The following PTGER4 variants were observed in gnomAD, a reference collection of about 807,000 sequenced individuals.
PTGER4 encodes the protein prostaglandin E receptor 4.
Under a neutral mutation model 33.2 loss-of-function variants are expected in PTGER4, and 11 were observed. That is an observed-to-expected ratio of 0.33 (90% CI 0.21 to 0.55). PTGER4 has a LOEUF of 0.55. Ranked by LOEUF, PTGER4 falls within the 20% of genes least tolerant of loss-of-function variation. PTGER4 has a pLI of 0.92. For synonymous variants in PTGER4, 275 were observed against 281.5 expected, an observed-to-expected ratio of 0.98 and a Z score of 0.23; for missense variants, 481 against 650.2, an observed-to-expected ratio of 0.74 and a Z score of 2.83.
chr5:40,693,808 CT>C, downstream of PTGER4: 1 of 738,730 alleles, frequency 1.4e-6, no homozygotes, highest in Non-Finnish European at 1.7e-6. Context: ...CATCTATATC[CT>C]TTTATATATT....
the PTGER4 span, among the ~76,000 whole-genome samples, chr5:40,704,973 T>C: frequency 5.9e-5 from 9 of 152,034 alleles, no homozygotes; most frequent in Non-Finnish European, 1.2e-4. Context: ...AGAAAAAAAT[T>C]TTTTTTAATT....
intron 2 of PTGER4, among the ~76,000 whole-genome samples, chr5:40,684,129 C>T (rs1323255527): frequency 8.9e-6 from 1 of 111,940 alleles, no homozygotes; most frequent in Non-Finnish European, 1.7e-5. Context: ...CACCCACCCC[C>T]CCCCCCACAA....
At chr5:40,698,888 T>G in the PTGER4 span, among the ~76,000 whole-genome samples, 2 of 152,200 alleles carry the variant, frequency 1.3e-5, no homozygotes, top group Non-Finnish European at 2.9e-5. Context: ...AGTAACAGAA[T>G]TATCACGTTT....
At chr5:40,716,523 T>C in the PTGER4 span, 1 of 1,520,590 alleles carries the variant, frequency 6.6e-7, no homozygotes, top group Non-Finnish European at 8.9e-7. Flanking sequence ...CAGAGTTTTT[T>C]GTTTTGGTTT....
chr5:40,705,576 T>C, the PTGER4 span, among the ~76,000 whole-genome samples: 2 of 152,198 alleles, frequency 1.3e-5, no homozygotes, highest in African/African-American at 4.8e-5. Flanking sequence ...AAACTGTGCA[T>C]CTGACGAAGG....
chr5:40,700,193 G>C, the PTGER4 span, among the ~76,000 whole-genome samples: 2 of 152,200 alleles, frequency 1.3e-5, no homozygotes, highest in Non-Finnish European at 2.9e-5. Context: ...CCTTATAATT[G>C]CATCAAAAAT....
At chr5:40,700,411 T>G in the PTGER4 span, among the ~76,000 whole-genome samples, 2,447 of 152,286 alleles carry the variant, frequency 0.016, 63 homozygotes, top group African/African-American at 0.056. Flanking sequence ...CTTGCCACCC[T>G]TGGACTAACG....
rs771439945 is a variant in PTGER4 at position 40,683,567 on chromosome 5, C to T, written c.867+1707C>T. ...GAATGGTTGTTATTTTCAGAACATC[C>T]ACTTAAAGGGACAGAGGAATTAGAG... On this transcript the variant is annotated intron_variant, in intron 2 of 2. Transcript: ENST00000302472. This position sits in a 1 kb window ranked among gnomAD's most constrained non-coding sequence, Gnocchi z 4.2. Among the ~76,000 whole-genome samples, 1 of 152,162 alleles carries T rather than the reference C, an allele frequency of 6.6e-6. No individual in the cohort carries two copies. Among genetic ancestry groups the T allele is most frequent in the African/African-American group, 2.4e-5 (1 of 41,426 alleles).
intron 2 of PTGER4, among the ~76,000 whole-genome samples, chr5:40,687,362 G>A (rs563118951): frequency 2.6e-5 from 4 of 152,248 alleles, no homozygotes; most frequent in South Asian, 4.1e-4. Context: ...CTCCTGACTC[G>A]GAGGTTCAGT....
the PTGER4 span, among the ~76,000 whole-genome samples, chr5:40,706,624 G>A: frequency 2.3e-4 from 35 of 151,656 alleles, no homozygotes; most frequent in African/African-American, 8.2e-4. Context: ...GCACAAAGCA[G>A]AAAATCTTTG....
chr5:40,699,036 TTGAA>T, the PTGER4 span, among the ~76,000 whole-genome samples: 16 of 152,176 alleles, frequency 1.1e-4, no homozygotes, highest in Admixed American at 8.5e-4. Context: ...TGCCGAAAAA[TTGAA>T]TGAATCTGAT....
At chr5:40,743,795 G>C in the PTGER4 span, among the ~76,000 whole-genome samples, 3 of 152,124 alleles carry the variant, frequency 2.0e-5, no homozygotes, top group Non-Finnish European at 4.4e-5. Context: ...TATCTTTGTA[G>C]TTATTTTCTA....
At chr5:40,697,301 A>T (rs73082486), downstream of PTGER4, among the ~76,000 whole-genome samples, 1 of 151,420 alleles carries the variant, frequency 6.6e-6, no homozygotes, top group African/African-American at 2.4e-5. Flanking sequence ...AAAGAAAAAG[A>T]AAGGCCAGGC....
chr5:40,728,871 C>A, the PTGER4 span, among the ~76,000 whole-genome samples: 1 of 152,150 alleles, frequency 6.6e-6, no homozygotes, highest in Non-Finnish European at 1.5e-5. Flanking sequence ...GCCATCCCGT[C>A]CCTAATGAAC....
chr5:40,693,225 T>G lies in PTGER4; in HGVS notation c.*847T>G. The G allele has an allele frequency of 3.0e-6, 3 of 984,202 alleles. No individual in the cohort carries two copies. Among genetic ancestry groups the G allele is most frequent in the Non-Finnish European group, 3.6e-6 (3 of 828,446 alleles). 61.0% of individuals were successfully genotyped at this position (984,202 alleles called of 1,614,324 possible). On this transcript the variant is annotated 3_prime_UTR_variant, in exon 3 of 3. Coordinates refer to ENST00000302472, the MANE Select transcript of PTGER4 (RefSeq NM_000958.3). ...TAACATGCTGGTGAATATTTTCAAC[T>G]TTTTCCCTCACTAATTGGTACTTTT...
the PTGER4 span, among the ~76,000 whole-genome samples, chr5:40,745,427 C>T: frequency 6.6e-6 from 1 of 151,870 alleles, no homozygotes; most frequent in Non-Finnish European, 1.5e-5. Context: ...ATTATGTATG[C>T]CTGTGTGTGT....
At chr5:40,709,853 T>C in the PTGER4 span, among the ~76,000 whole-genome samples, 1 of 152,080 alleles carries the variant, frequency 6.6e-6, no homozygotes, top group Non-Finnish European at 1.5e-5. Flanking sequence ...CCAATGGTGC[T>C]GGGAAAACTG....
chr5:40,690,355 T>G (rs183897592), intron 2 of PTGER4, among the ~76,000 whole-genome samples: 1 of 152,254 alleles, frequency 6.6e-6, no homozygotes, highest in Non-Finnish European at 1.5e-5. Context: ...TATATATACA[T>G]GTACATTTAA....
At chr5:40,745,080 A>C in the PTGER4 span, among the ~76,000 whole-genome samples, 1 of 152,262 alleles carries the variant, frequency 6.6e-6, no homozygotes. Flanking sequence ...ATTGGTCTGG[A>C]CTCTTCCAAT....
Sources: gnomAD v4.1 joint callset for allele counts (sites outside exome capture counted in the v4.1 genomes callset) on GRCh38, gnomAD v4.1.1 for gene constraint, Gnocchi (gnomAD v3.1) non-coding constraint, MANE v1.5 for transcripts, NCBI Gene and HGNC (gene_info 2026-07-23, HGNC 2026-07-21) for gene names.